FHIT: variants seen among roughly 807,000 people sequenced by gnomAD.
FHIT encodes the protein bis(5'-adenosyl)-triphosphatase.
Under a neutral mutation model 17.9 loss-of-function variants are expected in FHIT, and 19 were observed. That is an observed-to-expected ratio of 1.06 (90% confidence interval 0.74 to 1.56). The LOEUF (loss-of-function observed/expected upper bound fraction) is 1.56, where lower values mean the gene tolerates loss of function less well. FHIT is among the 40% of genes most tolerant of loss of function. The pLI is 0.00. For synonymous variants in FHIT, 81 were observed against 69.7 expected, an observed-to-expected ratio of 1.16 and a Z score of -0.81; for missense variants, 248 against 189.2, an observed-to-expected ratio of 1.31 and a Z score of -1.82.
intron 7 of FHIT, among the ~76,000 whole-genome samples, chr3:59,970,835 G>C (rs549346062): frequency 2.9e-5 from 2 of 69,116 alleles, no homozygotes; most frequent in Admixed American, 1.5e-4. Context: ...TCCCACTCCA[G>C]CCATTTTTTT....
intron 3 of FHIT, among the ~76,000 whole-genome samples, chr3:60,879,654 T>G (rs907424856): frequency 2.0e-5 from 3 of 151,922 alleles, no homozygotes; most frequent in South Asian, 4.1e-4. Flanking sequence ...AAAATACAGA[T>G]AGACAATTCA....
At chr3:60,271,855 A>G (rs1008584971) in intron 5 of FHIT, among the ~76,000 whole-genome samples, 2 of 152,248 alleles carry the variant, frequency 1.3e-5, no homozygotes, top group African/African-American at 2.4e-5. Flanking sequence ...TAGAGGCTCC[A>G]TGCACTTCTG....
chr3:60,054,478 C>CA (rs2106896019), intron 5 of FHIT, among the ~76,000 whole-genome samples: 1 of 152,294 alleles, frequency 6.6e-6, no homozygotes, highest in Admixed American at 6.5e-5. Context: ...GTACCACTCC[C>CA]ATCCCAACCC....
intron 5 of FHIT, among the ~76,000 whole-genome samples, chr3:60,356,589 A>G (rs1699660133): frequency 6.6e-6 from 1 of 152,100 alleles, no homozygotes; most frequent in Non-Finnish European, 1.5e-5. Flanking sequence ...AATATAAAAC[A>G]TCTATTTCAA....
At chr3:61,061,954 T>A (rs939434910) in intron 2 of FHIT, among the ~76,000 whole-genome samples, 2 of 152,200 alleles carry the variant, frequency 1.3e-5, no homozygotes, top group African/African-American at 4.8e-5. Flanking sequence ...GTTTCTATAA[T>A]ACATACTGTT....
At chr3:59,943,791 CAGCT>C (rs1706657193) in intron 7 of FHIT, among the ~76,000 whole-genome samples, 1 of 152,182 alleles carries the variant, frequency 6.6e-6, no homozygotes, top group South Asian at 2.1e-4. Flanking sequence ...AAGCCAAAGG[CAGCT>C]TAAGGGACAG....
At chr3:60,723,163 C>T (rs539280428) in intron 4 of FHIT, among the ~76,000 whole-genome samples, 1 of 152,278 alleles carries the variant, frequency 6.6e-6, no homozygotes, top group Admixed American at 6.5e-5. Flanking sequence ...CCACGGCATG[C>T]TGAATCCTCC....
intron 5 of FHIT, among the ~76,000 whole-genome samples, chr3:60,186,434 G>A (rs1249794053): frequency 6.6e-6 from 1 of 152,100 alleles, no homozygotes; most frequent in East Asian, 1.9e-4. Flanking sequence ...GAATTTGTGT[G>A]AGTTAGTCAA....
intron 5 of FHIT, among the ~76,000 whole-genome samples, chr3:60,096,274 G>C (rs947019806): frequency 6.6e-6 from 1 of 151,152 alleles, no homozygotes; most frequent in Non-Finnish European, 1.5e-5. Flanking sequence ...AGCAGAGTGG[G>C]GATGCAGGGG....
intron 2 of FHIT, among the ~76,000 whole-genome samples, chr3:61,164,548 T>C (rs1253709558): frequency 6.6e-6 from 1 of 152,222 alleles, no homozygotes; most frequent in East Asian, 1.9e-4. Flanking sequence ...AGCAAGTTAT[T>C]TAAGTTCTCT....
At position 60,173,904 on chromosome 3, in the gene FHIT, TATATA is replaced by T. The variant is rs1157104046; in HGVS notation, c.104-159757_104-159753del. Among the ~76,000 whole-genome samples the T allele has an allele frequency of 2.9e-4, 23 of 78,358 alleles. 4 individuals carry two copies. The East Asian group carries it at 0.013, about 43-fold the overall frequency. 51.4% of individuals were successfully genotyped at this position (78,358 alleles called of 152,430 possible). A position where few individuals can be genotyped will look rare whatever the true frequency, so the allele number is the denominator to read the frequency against. Reference sequence around the variant, plus strand: ...TTTCTAATATATATATATATATATATATATATATATATGTTTTTTTTTTTTTTTGA... The same window carrying T: ...TTTCTAATATATATATATATATATATTATATATGTTTTTTTTTTTTTTTGA... On this transcript the variant is annotated intron_variant, in intron 5 of 9. Coordinates refer to ENST00000492590, the MANE Select transcript of FHIT (RefSeq NM_002012.4).
chr3:60,628,552 C>T (rs1553681635), intron 4 of FHIT, among the ~76,000 whole-genome samples: 1 of 152,116 alleles, frequency 6.6e-6, no homozygotes, highest in African/African-American at 2.4e-5. Context: ...ACAGTCTGAC[C>T]CAATTAAATT....
intron 5 of FHIT, among the ~76,000 whole-genome samples, chr3:60,370,102 C>G (rs1039516162): frequency 2.0e-5 from 3 of 152,192 alleles, no homozygotes; most frequent in African/African-American, 7.2e-5. Context: ...TTCCTCACAC[C>G]TGGTGCCATT....
intron 5 of FHIT, among the ~76,000 whole-genome samples, chr3:60,050,834 G>C (rs1017396919): frequency 1.3e-5 from 2 of 152,150 alleles, no homozygotes; most frequent in Non-Finnish European, 2.9e-5. Flanking sequence ...ACGCCCCTTA[G>C]CAAGTGATAT....
intron 3 of FHIT, among the ~76,000 whole-genome samples, chr3:60,909,829 A>C (rs1706635784): frequency 6.6e-6 from 1 of 152,146 alleles, no homozygotes; most frequent in Admixed American, 6.5e-5. Flanking sequence ...AAAGATACCT[A>C]GTGATATATG....
chr3:59,762,514 GATCCACTAGTGGAT>G (rs1263712653), intron 8 of FHIT, among the ~76,000 whole-genome samples: 1 of 151,974 alleles, frequency 6.6e-6, no homozygotes, highest in Non-Finnish European at 1.5e-5. Flanking sequence ...ACAAACACTG[GATCCACTAGTGGAT>G]CCAGACATGC....
chr3:60,938,108 T>C (rs1553773578), intron 3 of FHIT, among the ~76,000 whole-genome samples: 2 of 152,154 alleles, frequency 1.3e-5, no homozygotes, highest in African/African-American at 4.8e-5. Flanking sequence ...ATGTCTCTTG[T>C]GTAGCAGTCT....
At chr3:60,107,727 C>A (rs559403159) in intron 5 of FHIT, among the ~76,000 whole-genome samples, 1 of 152,286 alleles carries the variant, frequency 6.6e-6, no homozygotes, top group East Asian at 1.9e-4. Flanking sequence ...GCAAGCCAAG[C>A]AAGGTTTAGG....
intron 5 of FHIT, among the ~76,000 whole-genome samples, chr3:60,446,416 G>A (rs1011086022): frequency 6.6e-6 from 1 of 152,142 alleles, no homozygotes; most frequent in African/African-American, 2.4e-5. Context: ...GAATTGAGTT[G>A]ACTCAAAGCT....
Sources: allele counts gnomAD v4.1 joint callset (sites outside exome capture counted in the v4.1 genomes callset), GRCh38; gene constraint gnomAD v4.1.1; transcripts MANE v1.5; gene names NCBI Gene and HGNC (gene_info 2026-07-23, HGNC 2026-07-21).